Variants in KCNQ1 observed in about 807,000 individuals in gnomAD.
KCNQ1 encodes potassium voltage-gated channel subfamily Q member 1.
A neutral mutation model predicts 72.4 loss-of-function variants in KCNQ1; 49 were observed. That is an observed-to-expected ratio of 0.68 (90% CI 0.54 to 0.86). KCNQ1 has a LOEUF of 0.86. KCNQ1 is among the 40% of genes least tolerant of loss of function. KCNQ1 has a pLI of 0.00. For missense variants in KCNQ1, 790 were observed against 945.1 expected, an observed-to-expected ratio of 0.84 and a Z score of 2.15; for synonymous variants, 450 against 412.6, an observed-to-expected ratio of 1.09 and a Z score of -1.10.
intron 11 of KCNQ1, among the ~76,000 whole-genome samples, chr11:2,722,879 C>T (rs1187170390): frequency 6.6e-6 from 1 of 152,170 alleles, no homozygotes; most frequent in Non-Finnish European, 1.5e-5. Context: ...TGAGTGGGAG[C>T]TATGGCAAGT....
Position 2,659,923 on chromosome 11 carries a change from A to T in KCNQ1, c.1394-2038A>T. Reference sequence around the variant, plus strand: ...TATTGTCAAGTTGTAAGCATTCTTTATATATTCTGAGTGCAAGTCCTTGAC... The same window carrying T: ...TATTGTCAAGTTGTAAGCATTCTTTTTATATTCTGAGTGCAAGTCCTTGAC... On this transcript the variant is annotated intron_variant, in intron 10 of 15. Transcript: ENST00000155840. This position sits in a 1 kb window ranked among gnomAD's most constrained non-coding sequence, Gnocchi z 4.3. The T allele has an allele frequency of 2.5e-6, 1 of 398,354 alleles. No individual in the cohort carries two copies. The allele number at this position is 398,354 out of a possible 1,614,324, so 24.7% of individuals were successfully genotyped here.
chr11:2,568,889 G>GT (rs1848285196), intron 2 of KCNQ1, among the ~76,000 whole-genome samples: 1 of 150,542 alleles, frequency 6.6e-6, no homozygotes, highest in Non-Finnish European at 1.5e-5. Context: ...TTTGTTTTTC[G>GT]TTTTTTGTTT....
chr11:2,452,593 C>T lies in KCNQ1; in HGVS notation c.386+7109C>T, dbSNP rs565955702. On this transcript the variant is annotated intron_variant, in intron 1 of 15. Coordinates refer to ENST00000155840, the MANE Select transcript of KCNQ1 (RefSeq NM_000218.3). ...AGCCCCGGGAACCATGCGCTTCAAG[C>T]GTTTGATCTTGACGGGCCCTGGGCT... 8.4e-4 allele frequency among the ~76,000 whole-genome samples: 128 copies of T among 152,316 alleles called. 2 individuals are homozygous for T. Among genetic ancestry groups the T allele is most frequent in the African/African-American group, 8.7e-4 (36 of 41,576 alleles).
Position 2,477,294 on chromosome 11 carries a change from A to G in KCNQ1, c.386+31810A>G, listed in dbSNP as rs1331370618. Among the ~76,000 whole-genome samples, 1 of 152,174 alleles carries G rather than the reference A, an allele frequency of 6.6e-6. No homozygotes were observed. Among genetic ancestry groups the G allele is most frequent in the Non-Finnish European group, 1.5e-5 (1 of 68,026 alleles). On this transcript the variant is annotated intron_variant, in intron 1 of 15. Coordinates refer to ENST00000155840, the MANE Select transcript of KCNQ1 (RefSeq NM_000218.3). The surrounding 1 kb of genome is among the most constrained non-coding windows in gnomAD (Gnocchi z 5.0). ...TGTTTTCATCCCGTATGTTTGAACA[A>G]TTTTTAATGTGGGATCAAAGGTAGG...
At chr11:2,500,509 T>C (rs531789181) in intron 1 of KCNQ1, among the ~76,000 whole-genome samples, 164 of 152,282 alleles carry the variant, frequency 1.1e-3, no homozygotes, top group African/African-American at 3.7e-3. Context: ...TTTGACCCAG[T>C]GATCCCATTA....
rs905328344 is a variant in KCNQ1, at chr11:2,537,471, C to G, written c.477+9453C>G. On this transcript the variant is annotated intron_variant, in intron 2 of 15. Transcript: ENST00000155840. This position sits in a 1 kb window ranked among gnomAD's most constrained non-coding sequence, Gnocchi z 5.2. ...GAAGTGGGAGAGCGTGTGCCCCGGG[C>G]CAGCCCACCGTGCCCCACGTTTCTA... is the stretch of plus-strand genomic sequence containing the variant. Among the ~76,000 whole-genome samples the G allele has an allele frequency of 6.6e-6, 1 of 152,050 alleles. No individual in the cohort carries two copies. The highest frequency in any genetic ancestry group is 2.4e-5 in the African/African-American group (1 of 41,324).
chr11:2,553,173 T>TTG lies in KCNQ1; in HGVS notation c.478-17454_478-17453insGT, dbSNP rs1554891023. On this transcript the variant is annotated intron_variant, in intron 2 of 15. Transcript: ENST00000155840. The stretch of plus-strand genomic sequence containing the variant: ...TTGGGGTTTTTTTTGTTTTTTTTTT[T>TTG]TTTGTTTTTTTGTAGATTCTTTAGG... Among the ~76,000 whole-genome samples the TTG allele has an allele frequency of 2.0e-3, 287 of 142,630 alleles. 1 individual carries two copies. Among genetic ancestry groups the TTG allele is most frequent in the African/African-American group, 7.5e-3 (274 of 36,664 alleles). 93.6% of individuals were successfully genotyped at this position (142,630 alleles called of 152,430 possible).
At chr11:2,628,705 T>C (rs1276291864) in intron 10 of KCNQ1, 10 of 398,426 alleles carry the variant, frequency 2.5e-5, no homozygotes, top group Non-Finnish European at 4.4e-5. Context: ...TAAAAAATTG[T>C]CACAAAAACC....
intron 1 of KCNQ1, among the ~76,000 whole-genome samples, chr11:2,452,358 C>G (rs932731157): frequency 6.6e-6 from 1 of 152,130 alleles, no homozygotes; most frequent in Admixed American, 6.5e-5. Context: ...TGCATGGAGA[C>G]AGCCCAGCTG....
rs1849659907 is a variant in KCNQ1 at position 2,645,994 on chromosome 11, G to C, written c.1394-15967G>C. On this transcript the variant is annotated intron_variant, in intron 10 of 15. Coordinates refer to ENST00000155840, the MANE Select transcript of KCNQ1 (RefSeq NM_000218.3). The surrounding 1 kb of genome is among the most constrained non-coding windows in gnomAD (Gnocchi z 5.8). ...GACTAGGATTTCAGGAGTCTGCTGT[G>C]GGAATGTGGACCACTAGGGGCTCAC... The C allele has an allele frequency of 2.5e-6, 1 of 398,548 alleles. No homozygotes were observed. 24.7% of individuals were successfully genotyped at this position (398,548 alleles called of 1,614,324 possible).
Position 2,623,544 on chromosome 11 carries a change from T to C in KCNQ1, c.1393+34690T>C, listed in dbSNP as rs1359001109. ...AGTATGTAGTTTCTTCAGATTGCCT[T>C]ATTTCACATAGTAATATGTTTTTTA... On this transcript the variant is annotated intron_variant, in intron 10 of 15. Transcript: ENST00000155840. This position sits in a 1 kb window ranked among gnomAD's most constrained non-coding sequence, Gnocchi z 5.2. 4 of 398,524 alleles carry C rather than the reference T, an allele frequency of 1.0e-5. No individual in the cohort carries two copies. Among genetic ancestry groups the C allele is most frequent in the Non-Finnish European group, 1.8e-5 (4 of 226,068 alleles). The allele number at this position is 398,524 out of a possible 1,614,324, so 24.7% of individuals were successfully genotyped here. A position where few individuals can be genotyped will look rare whatever the true frequency, so the allele number is the denominator to read the frequency against.
intron 11 of KCNQ1, among the ~76,000 whole-genome samples, chr11:2,728,568 GC>G (rs1845802997): frequency 6.6e-6 from 1 of 152,244 alleles, no homozygotes; most frequent in African/African-American, 2.4e-5. Context: ...CTCTGGCACA[GC>G]CCACCAGCAG....
rs1460439477 is a variant in KCNQ1, at chr11:2,817,644, G to A, written c.1795-30123G>A. On this transcript the variant is annotated intron_variant, in intron 15 of 15. Coordinates refer to ENST00000155840, the MANE Select transcript of KCNQ1 (RefSeq NM_000218.3). The surrounding 1 kb of genome is among the most constrained non-coding windows in gnomAD (Gnocchi z 6.1). ...GGCATTAACTCAGGGCCATCACAGA[G>A]GTGGTGAGAGCTACCCCGGGTCTGG... Among the ~76,000 whole-genome samples, 1 of 152,178 alleles carries A rather than the reference G, an allele frequency of 6.6e-6. No individual in the cohort carries two copies. Among genetic ancestry groups the A allele is most frequent in the Non-Finnish European group, 1.5e-5 (1 of 68,036 alleles).
chr11:2,595,373 G>A lies in KCNQ1; in HGVS notation c.1393+6519G>A, dbSNP rs188128453. ...AAATTGAGATTTTTAAAATACAGGC[G>A]TGTCTCATTCTTATTGACTGCACTT... On this transcript the variant is annotated intron_variant, in intron 10 of 15. Transcript: ENST00000155840. This position sits in a 1 kb window ranked among gnomAD's most constrained non-coding sequence, Gnocchi z 5.0. Among the ~76,000 whole-genome samples the A allele has an allele frequency of 3.1e-3, 470 of 152,130 alleles. 3 individuals carry two copies. The highest frequency in any genetic ancestry group is 0.01 in the African/African-American group (431 of 41,502).
intron 11 of KCNQ1, chr11:2,666,149 G>A: frequency 5.0e-6 from 2 of 398,728 alleles, no homozygotes; most frequent in Non-Finnish European, 8.8e-6. Flanking sequence ...TGGCATCTTA[G>A]ATGGGCAAGC....
rs1036878398 is a variant in KCNQ1 at position 2,725,265 on chromosome 11, T to C, written c.1515-43579T>C. Among the ~76,000 whole-genome samples the C allele has an allele frequency of 1.6e-4, 25 of 152,190 alleles. No individual in the cohort carries two copies. Among genetic ancestry groups the C allele is most frequent in the Admixed American group, 1.4e-3 (22 of 15,278 alleles). Reference sequence around the variant, plus strand: ...TCCATCCGGGACAGACGGCTGGACTTGTGAAACACTCCAGGGTCGGGGGCT... The same window carrying C: ...TCCATCCGGGACAGACGGCTGGACTCGTGAAACACTCCAGGGTCGGGGGCT... On this transcript the variant is annotated intron_variant, in intron 11 of 15. Coordinates refer to ENST00000155840, the MANE Select transcript of KCNQ1 (RefSeq NM_000218.3). The surrounding 1 kb of genome is among the most constrained non-coding windows in gnomAD (Gnocchi z 7.2).
At chr11:2,666,605 G>A (rs1432900612) in intron 11 of KCNQ1, 1 of 398,650 alleles carries the variant, frequency 2.5e-6, no homozygotes, top group Non-Finnish European at 4.4e-6. Context: ...TGGAAATAAG[G>A]GCAAACGTCA....
chr11:2,479,388 A>G lies in KCNQ1; in HGVS notation c.386+33904A>G, dbSNP rs1589903525. 6.6e-6 allele frequency among the ~76,000 whole-genome samples: 1 copy of G among 152,278 alleles called. No homozygotes were observed. The highest frequency in any genetic ancestry group is 1.5e-5 in the Non-Finnish European group (1 of 68,022). The stretch of plus-strand genomic sequence containing the variant: ...TGCCTGGACATCCAGGCATTTCCAT[A>G]CATCTCTGAAATCTAGGCAGAGCTT... On this transcript the variant is annotated intron_variant, in intron 1 of 15. Transcript: ENST00000155840. This position sits in a 1 kb window ranked among gnomAD's most constrained non-coding sequence, Gnocchi z 4.6.
Position 2,674,705 on chromosome 11 carries a change from G to T in KCNQ1, c.1514+12624G>T. On this transcript the variant is annotated intron_variant, in intron 11 of 15. Coordinates refer to ENST00000155840, the MANE Select transcript of KCNQ1 (RefSeq NM_000218.3). The surrounding 1 kb of genome is among the most constrained non-coding windows in gnomAD (Gnocchi z 5.9). ...TGTTGAACCTTAAACCTTTCCTGAT[G>T]ACTCCTTCCTTCTGAACTTAACTCG... 1 of 398,382 alleles carries T rather than the reference G, an allele frequency of 2.5e-6. No homozygotes were observed. The highest frequency in any genetic ancestry group is 1.3e-4 in the South Asian group (1 of 7,804). The allele number at this position is 398,382 out of a possible 1,614,324, so 24.7% of individuals were successfully genotyped here.
Sources: allele counts gnomAD v4.1 joint callset (sites outside exome capture counted in the v4.1 genomes callset), GRCh38; gene constraint gnomAD v4.1.1; non-coding constraint Gnocchi (gnomAD v3.1); transcripts MANE v1.5; gene names NCBI Gene and HGNC (gene_info 2026-07-23, HGNC 2026-07-21).